Variants in SRRM1 observed in about 807,000 individuals in gnomAD.
SRRM1 encodes the protein serine/arginine repetitive matrix protein 1.
A neutral mutation model predicts 110.2 loss-of-function variants in SRRM1; 19 were observed. The ratio of observed to expected loss-of-function variants is 0.17; its 90% CI spans 0.12 to 0.25. The LOEUF is 0.25. SRRM1 is among the 10% of genes least tolerant of loss of function. The pLI is 1.00. For synonymous variants in SRRM1, 443 were observed against 414.9 expected (o/e 1.07, Z -0.82); for missense variants, 918 against 1,145.8 (o/e 0.80, Z 2.87).
chr1:24,646,040 G>A lies in SRRM1; in HGVS notation c.78G>A (p.Lys26=), dbSNP rs1479380454. 13 of 1,613,376 alleles carry A rather than the reference G, an allele frequency of 8.1e-6. No homozygotes were observed. In the South Asian group the frequency reaches 1.2e-4, roughly 15 times the overall value. Residue 26 remains lysine (K), a synonymous_variant, in exon 2 of 17, where the codon AAG becomes AAA. Transcript: ENST00000323848. ...RFSNKQKKLL[K]QLKFAECLEK... The stretch of plus-strand genomic sequence containing the variant: ...GCAACAAACAGAAGAAACTACTGAA[G>A]CAGCTGAAATTTGCAGAATGCCTAG...
chr1:24,663,124 C>A, intron 12 of SRRM1: 1 of 1,413,142 alleles, frequency 7.1e-7, no homozygotes, highest in Non-Finnish European at 9.6e-7. Context: ...CTTAATCCAC[C>A]CAAGTAAATA....
In SRRM1 at chr1:24,669,246, T is replaced by C. The variant is rs766199368; in HGVS notation, c.1863T>C (p.Pro621=). The change falls in exon 14 of 17, where the codon CCT becomes CCC. Residue 621 remains proline (P), a synonymous_variant. Coordinates refer to ENST00000323848, the MANE Select transcript of SRRM1 (RefSeq NM_005839.4). ...KRRTASPPPP[P]KRRASPSPPP... Reference sequence around the variant, plus strand: ...GAACGGCTTCACCTCCTCCCCCTCCTAAACGAAGAGCATCACCATCTCCAC... The same window carrying C: ...GAACGGCTTCACCTCCTCCCCCTCCCAAACGAAGAGCATCACCATCTCCAC... The C allele has an allele frequency of 1.2e-6, 2 of 1,614,088 alleles. No individual in the cohort carries two copies. The highest frequency in any genetic ancestry group is 1.1e-5 in the South Asian group (1 of 91,078).
At chr1:24,654,357 C>T (rs1662768956) in intron 8 of SRRM1, 1 of 1,289,460 alleles carries the variant, frequency 7.8e-7, no homozygotes, top group Non-Finnish European at 1.0e-6. Context: ...CACATAATTG[C>T]AACAGAACTT....
intron 11 of SRRM1, 32 bp from the exon 12 acceptor site, chr1:24,662,628 A>G: frequency 6.2e-7 from 1 of 1,605,122 alleles, no homozygotes; most frequent in Non-Finnish European, 8.5e-7. Context: ...GCACAAACCT[A>G]ATGTAATATT....
intron 12 of SRRM1, among the ~76,000 whole-genome samples, chr1:24,664,146 C>T (rs1668698467): frequency 6.6e-6 from 1 of 151,702 alleles, no homozygotes; most frequent in African/African-American, 2.4e-5. Flanking sequence ...CAGGCACATG[C>T]CACCATGCCC....
Position 24,659,206 on chromosome 1 carries a change from AAGAG to A in SRRM1, c.1316-1507_1316-1504del, listed in dbSNP as rs529399447. Among the ~76,000 whole-genome samples, 37 of 152,104 alleles carry A rather than the reference AAGAG, an allele frequency of 2.4e-4. 1 individual carries two copies. The highest frequency in any genetic ancestry group is 4.6e-4 in the African/African-American group (19 of 41,534). The stretch of plus-strand genomic sequence containing the variant: ...CGAAACTCTGTCTCAAAAAAAAAAA[AAGAG>A]AGAGAAAGGGAAAAGTCTGTTCATT... On this transcript the variant is annotated intron_variant, in intron 9 of 16. Transcript: ENST00000323848.
intron 11 of SRRM1, among the ~76,000 whole-genome samples, chr1:24,662,396 T>C (rs1667719398): frequency 6.6e-6 from 1 of 152,200 alleles, no homozygotes; most frequent in South Asian, 2.1e-4. Context: ...GTTAAAGGGG[T>C]GAGCCACCGT....
At chr1:24,656,910 C>A (rs190722151) in intron 9 of SRRM1, among the ~76,000 whole-genome samples, 4 of 152,164 alleles carry the variant, frequency 2.6e-5, no homozygotes, top group Non-Finnish European at 5.9e-5. Flanking sequence ...TGGATATGTA[C>A]ATAGGAAAGA....
rs764373589 is a variant in SRRM1, at chr1:24,666,779, AAG to A, written c.1629-34_1629-33del. ...GACGCCATCACACACACACAAAAAA[AAG>A]AAAAAAAATTAACTATAATTCTTCT... On this transcript the variant is annotated intron_variant, in intron 12 of 16. Coordinates refer to ENST00000323848, the MANE Select transcript of SRRM1 (RefSeq NM_005839.4). 6 of 1,580,110 alleles carry A rather than the reference AAG, an allele frequency of 3.8e-6. No individual in the cohort carries two copies. In the East Asian group the frequency reaches 6.8e-5, roughly 18 times the overall value.
At chr1:24,666,276 C>A (rs148821959) in intron 12 of SRRM1, among the ~76,000 whole-genome samples, 1 of 152,212 alleles carries the variant, frequency 6.6e-6, no homozygotes, top group African/African-American at 2.4e-5. Context: ...CGGTACTTAC[C>A]CTTGTCACAA....
rs542069649 is a variant in SRRM1 at position 24,651,592 on chromosome 1, A to G, written c.705A>G (p.Val235=). Residue 235 remains valine, a synonymous_variant, in exon 6 of 17, where the codon GTA becomes GTG. Transcript: ENST00000323848. ...EPSVKVKEPS[V]QEATSTSDIL... Reference sequence around the variant, plus strand: ...CAGTGAAAGTAAAAGAACCTTCAGTACAAGAGGCTACTTCTACTAGGCAAG... The same window carrying G: ...CAGTGAAAGTAAAAGAACCTTCAGTGCAAGAGGCTACTTCTACTAGGCAAG... The G allele has an allele frequency of 1.9e-6, 3 of 1,611,392 alleles. No homozygotes were observed. In the South Asian group the frequency reaches 3.3e-5, roughly 18 times the overall value.
At chr1:24,646,587 C>A in intron 2 of SRRM1, 80 bp from the exon 3 acceptor site, 2 of 1,252,542 alleles carry the variant, frequency 1.6e-6, no homozygotes, top group Non-Finnish European at 2.2e-6. Context: ...CTAAAAGGAA[C>A]TTTGGTAGAC....
chr1:24,654,466 T>G (rs1662838257), intron 8 of SRRM1: 2 of 829,202 alleles, frequency 2.4e-6, no homozygotes. Context: ...AAATGCAACC[T>G]AAAGGTTTCT....
chr1:24,654,377 T>G (rs1459362050), intron 8 of SRRM1: 1 of 1,287,936 alleles, frequency 7.8e-7, no homozygotes, highest in Non-Finnish European at 1.0e-6. Flanking sequence ...TAACACAAAT[T>G]TTGCCGCAGA....
chr1:24,656,720 G>A (rs1462812869), intron 9 of SRRM1, among the ~76,000 whole-genome samples: 2 of 152,210 alleles, frequency 1.3e-5, no homozygotes, highest in African/African-American at 4.8e-5. Context: ...AACACATCAA[G>A]TGATGATTTT....
chr1:24,666,874 C>T lies in SRRM1; in HGVS notation c.1688C>T (p.Pro563Leu). 1 of 1,612,610 alleles carries T rather than the reference C, an allele frequency of 6.2e-7. No individual in the cohort carries two copies. Among genetic ancestry groups the T allele is most frequent in the Admixed American group, 1.7e-5 (1 of 59,564 alleles). The change falls in exon 13 of 17, where the codon CCC becomes CTC. Residue 563 changes from proline (P) to leucine (L), a missense_variant. Pro to Leu is a moderately conservative substitution (Grantham distance 98). This residue lies in a region of SRRM1 where 357 missense variants were observed against 402.9 expected (regional missense o/e 0.89). Coordinates refer to ENST00000323848, the MANE Select transcript of SRRM1 (RefSeq NM_005839.4). Reference sequence around the variant, plus strand: ...ACCAGAAGGCGACGGTCTCCTTCTCCCGCCCCTCCTCCTCGACGGCGCAGG... The same window carrying T: ...ACCAGAAGGCGACGGTCTCCTTCTCTCGCCCCTCCTCCTCGACGGCGCAGG... The part of the protein sequence containing the change: ...PPTRRRRSPS[P>L]APPPRRRRTP...
At chr1:24,649,334 T>A (rs1184568230) in intron 4 of SRRM1, among the ~76,000 whole-genome samples, 1 of 152,244 alleles carries the variant, frequency 6.6e-6, no homozygotes, top group East Asian at 1.9e-4. Flanking sequence ...TTGTTGTTTT[T>A]TTGAGACACA....
At chr1:24,654,749 T>C in intron 8 of SRRM1, 106 bp from the exon 9 acceptor site, 2 of 1,386,052 alleles carry the variant, frequency 1.4e-6, no homozygotes, top group Admixed American at 2.0e-5. Context: ...CTACATAAAC[T>C]CAAAAGTCGG....
At chr1:24,646,198 C>T in intron 2 of SRRM1, 125 bp downstream of exon 2, 1 of 700,622 alleles carries the variant, frequency 1.4e-6, no homozygotes, top group Admixed American at 2.4e-5. Flanking sequence ...CATTAACCAC[C>T]TTTTAGCCAC....
Sources: gnomAD v4.1 joint callset for allele counts (sites outside exome capture counted in the v4.1 genomes callset) on GRCh38, gnomAD v4.1.1 for gene constraint, gnomAD v4.1.1 regional missense constraint, MANE v1.5 for transcripts, NCBI Gene and HGNC (gene_info 2026-07-23, HGNC 2026-07-21) for gene names.